The following C1QTNF9B variants were observed in gnomAD, a reference collection of about 807,000 sequenced individuals.
C1QTNF9B encodes the protein C1q and TNF related 9B.
A neutral mutation model predicts 10.1 loss-of-function variants in C1QTNF9B; 9 were observed. That is an observed-to-expected ratio of 0.89 (90% CI 0.53 to 1.55). The LOEUF (loss-of-function observed/expected upper bound fraction) is 1.55, where lower values mean the gene tolerates loss of function less well. C1QTNF9B is among the 40% of genes most tolerant of loss of function. C1QTNF9B has a pLI of 0.00. For synonymous variants in C1QTNF9B, 79 were observed against 159.9 expected (o/e 0.49, Z 3.82); for missense variants, 196 against 414.4 (o/e 0.47, Z 4.58).
rs534160705 is a variant in C1QTNF9B at position 23,893,503 on chromosome 13, C to T, written c.229+636G>A. Among the ~76,000 whole-genome samples the T allele has an allele frequency of 9.4e-3, 1,438 of 152,264 alleles. 28 individuals carry two copies. The highest frequency in any genetic ancestry group is 0.033 in the African/African-American group (1,366 of 41,544). ...GGTTTTTGTTTGTGACAGGGTCACT[C>T]ACTCTGTTACCCAGGCTGGAGTGCA... On this transcript the variant is annotated intron_variant, in intron 2 of 2. Transcript: ENST00000382137.
At position 23,896,825 on chromosome 13, in the gene C1QTNF9B, A is replaced by G. The variant is rs571318302; in HGVS notation, c.162T>C (p.Asp54=). Residue 54 remains aspartate, a synonymous_variant, in exon 1 of 3, where the codon GAT becomes GAC. Coordinates refer to ENST00000382137, the Ensembl canonical transcript of C1QTNF9B. ...CCGAAGCCGTCAGGTGAGTACCTGC[A>G]TCGCCTTTGTCACCCTTCGCTCCGT... The G allele has an allele frequency of 3.2e-5, 51 of 1,612,976 alleles. No individual in the cohort carries two copies. The East Asian group carries it at 7.8e-4, about 25-fold the overall frequency.
intron 2 of C1QTNF9B, among the ~76,000 whole-genome samples, chr13:23,893,111 C>T (rs757528014): frequency 5.9e-5 from 9 of 152,166 alleles, no homozygotes; most frequent in Non-Finnish European, 1.2e-4. Context: ...CCATTCTGTC[C>T]CCATATGCAC....
At chr13:23,891,878 G>A in exon 3 of C1QTNF9B, 1 of 1,611,358 alleles carries the variant, frequency 6.2e-7, no homozygotes, top group Non-Finnish European at 8.5e-7. Flanking sequence ...GTTGCCCCTT[G>A]GCCCCTCAGG....
intron 1 of C1QTNF9B, among the ~76,000 whole-genome samples, chr13:23,895,756 TACACAC>T (rs71185099): frequency 5.5e-5 from 8 of 146,588 alleles, no homozygotes; most frequent in Admixed American, 3.4e-4. Flanking sequence ...GACACAGACA[TACACAC>T]ACACACACAC....
At chr13:23,897,377 A>G (rs551450588), upstream of C1QTNF9B, 2 of 269,284 alleles carry the variant, frequency 7.4e-6, no homozygotes, top group South Asian at 1.2e-4. Flanking sequence ...CACAATATGC[A>G]TAAAGGCACA....
At chr13:23,895,980 C>T (rs1593222480) in intron 1 of C1QTNF9B, among the ~76,000 whole-genome samples, 1 of 152,174 alleles carries the variant, frequency 6.6e-6, no homozygotes, top group East Asian at 1.9e-4. Context: ...TCCTGGTGAC[C>T]CTTGGCTTCA....
intron 2 of C1QTNF9B, among the ~76,000 whole-genome samples, 193 bp downstream of exon 4, chr13:23,893,946 T>G (rs956121858): frequency 8.5e-5 from 13 of 152,182 alleles, no homozygotes; most frequent in Non-Finnish European, 1.3e-4. Context: ...GACAGATCTG[T>G]GTGGAGTTGA....
exon 1 of C1QTNF9B, chr13:23,896,897 G>T: frequency 6.2e-7 from 1 of 1,614,068 alleles, no homozygotes; most frequent in Non-Finnish European, 8.5e-7. Flanking sequence ...GGTTCCCAGG[G>T]ATTCCAGGGT....
chr13:23,892,644 G>A (rs969582057), intron 2 of C1QTNF9B, among the ~76,000 whole-genome samples: 24 of 152,162 alleles, frequency 1.6e-4, no homozygotes, highest in Admixed American at 9.8e-4. Flanking sequence ...AACAGAGTGA[G>A]ACCCTGTCTC....
intron 1 of C1QTNF9B, among the ~76,000 whole-genome samples, chr13:23,895,465 A>G (rs1386135108): frequency 6.6e-6 from 1 of 152,022 alleles, no homozygotes; most frequent in Non-Finnish European, 1.5e-5. Context: ...TGTCCTTCTA[A>G]GAAAGAATAT....
At chr13:23,896,169 GTCAAGACCAGGCC>G (rs1423006353) in intron 1 of C1QTNF9B, among the ~76,000 whole-genome samples, 1 of 152,168 alleles carries the variant, frequency 6.6e-6, no homozygotes, top group Non-Finnish European at 1.5e-5. Flanking sequence ...TGACCCTATG[GTCAAGACCAGGCC>G]TCAAGAATGG....
chr13:23,892,594 G>T (rs1031690071), intron 2 of C1QTNF9B, among the ~76,000 whole-genome samples: 5 of 152,200 alleles, frequency 3.3e-5, no homozygotes, highest in African/African-American at 1.2e-4. Flanking sequence ...GGCTGAGGCT[G>T]CAGTGATCCG....
At position 23,891,355 on chromosome 13, in the gene C1QTNF9B, A is replaced by G. The variant is rs1282776903; in HGVS notation, c.936T>C (p.Asn312=). The G allele has an allele frequency of 1.9e-6, 3 of 1,577,104 alleles. 1 individual carries two copies. The South Asian group carries it at 3.4e-5, about 18-fold the overall frequency. Reference sequence around the variant, plus strand: ...CATCGTCCTCATCAGCAAACAAGCCATTGAACCTCTCTCCTCCTGTCACCT... The same window carrying G: ...CATCGTCCTCATCAGCAAACAAGCCGTTGAACCTCTCTCCTCCTGTCACCT... Residue 312 remains asparagine, a synonymous_variant, in exon 3 of 3, where the codon AAT becomes AAC. Coordinates refer to ENST00000382137, the Ensembl canonical transcript of C1QTNF9B.
At chr13:23,894,545 G>C in intron 1 of C1QTNF9B, 1 of 553,664 alleles carries the variant, frequency 1.8e-6, no homozygotes, top group Non-Finnish European at 3.5e-6. Context: ...ACAAGGACTT[G>C]GGACGTGGTC....
exon 3 of C1QTNF9B, chr13:23,891,757 C>G (rs1361581758): frequency 6.2e-7 from 1 of 1,613,944 alleles, no homozygotes; most frequent in South Asian, 1.1e-5. Context: ...CTCTTATTCC[C>G]CGGACTCCTG....
At chr13:23,893,393 AG>A (rs1872083779) in intron 2 of C1QTNF9B, among the ~76,000 whole-genome samples, 1 of 152,196 alleles carries the variant, frequency 6.6e-6, no homozygotes, top group African/African-American at 2.4e-5. Flanking sequence ...CAAGGTTCAA[AG>A]TTCAGCAAAC....
At chr13:23,895,770 C>A (rs1231796176) in intron 1 of C1QTNF9B, among the ~76,000 whole-genome samples, 2 of 151,854 alleles carry the variant, frequency 1.3e-5, no homozygotes, top group African/African-American at 4.8e-5. Context: ...CACACACACA[C>A]ACACACACAC....
chr13:23,896,776 A>G, intron 1 of C1QTNF9B, 45 bp downstream of exon 3: 1 of 1,610,166 alleles, frequency 6.2e-7, no homozygotes, highest in Non-Finnish European at 8.5e-7. Flanking sequence ...GATGAAAGTA[A>G]TGAAGAGAGA....
At chr13:23,895,922 A>T (rs1284124812) in intron 1 of C1QTNF9B, among the ~76,000 whole-genome samples, 1 of 152,194 alleles carries the variant, frequency 6.6e-6, no homozygotes, top group East Asian at 1.9e-4. Context: ...AGCCAGGAGA[A>T]GACACCTCAC....
Sources: allele counts gnomAD v4.1 joint callset (sites outside exome capture counted in the v4.1 genomes callset), GRCh38; gene constraint gnomAD v4.1.1; transcripts MANE v1.5; gene names NCBI Gene and HGNC (gene_info 2026-07-23, HGNC 2026-07-21).